Variants in ORC5 observed in about 807,000 individuals in gnomAD.
The protein encoded by ORC5 is origin recognition complex subunit 5.
ORC5 carries 39 observed loss-of-function variants against 58.8 expected under a neutral mutation model. That is an observed-to-expected ratio of 0.66 (90% CI 0.51 to 0.87). The LOEUF (loss-of-function observed/expected upper bound fraction) is 0.87, where lower values mean the gene tolerates loss of function less well. ORC5 is among the 40% of genes least tolerant of loss of function. The pLI, the probability that ORC5 is intolerant of heterozygous loss-of-function variation, is 0.00. For missense variants in ORC5, 493 were observed against 506.3 expected, an observed-to-expected ratio of 0.97 and a Z score of 0.25; for synonymous variants, 218 against 177.6, an observed-to-expected ratio of 1.23 and a Z score of -1.81.
At chr7:104,194,289 C>T (rs573776801) in intron 5 of ORC5, among the ~76,000 whole-genome samples, 1 of 151,770 alleles carries the variant, frequency 6.6e-6, no homozygotes, top group East Asian at 1.9e-4. Context: ...TGGAAACAGA[C>T]AAAAATGTGT....
intron 11 of ORC5, 122 bp downstream of exon 11, chr7:104,165,113 G>A (rs1215278662): frequency 1.4e-5 from 8 of 571,374 alleles, no homozygotes; most frequent in African/African-American, 5.7e-5. Context: ...ACAGTATAAC[G>A]GTACCATATC....
chr7:104,141,044 T>A (rs1798665756), intron 12 of ORC5, among the ~76,000 whole-genome samples: 1 of 152,148 alleles, frequency 6.6e-6, no homozygotes, highest in Admixed American at 6.5e-5. Context: ...TTAAATCTCC[T>A]AACTCCAACT....
At chr7:104,201,071 C>G in intron 2 of ORC5, 113 bp from the exon 3 acceptor site, 2 of 779,294 alleles carry the variant, frequency 2.6e-6, no homozygotes, top group Admixed American at 5.2e-5. Flanking sequence ...ACCAAACCCA[C>G]CCCATGCCCC....
chr7:104,142,092 A>T (rs1798682993), intron 12 of ORC5, among the ~76,000 whole-genome samples: 1 of 152,194 alleles, frequency 6.6e-6, no homozygotes, highest in Non-Finnish European at 1.5e-5. Context: ...CCACACATAT[A>T]AGGTCAACTA....
intron 3 of ORC5, among the ~76,000 whole-genome samples, chr7:104,199,325 C>G (rs760397311): frequency 3.2e-4 from 49 of 152,360 alleles, no homozygotes; most frequent in Non-Finnish European, 5.3e-4. Context: ...GGCAACTGTA[C>G]CCCGCAAAGC....
intron 8 of ORC5, among the ~76,000 whole-genome samples, chr7:104,170,790 T>C (rs943724958): frequency 6.6e-6 from 1 of 152,234 alleles, no homozygotes; most frequent in Non-Finnish European, 1.5e-5. Flanking sequence ...TCTTGGATTA[T>C]AATTTTAGAT....
chr7:104,198,512 T>C (rs1019125468), intron 3 of ORC5, among the ~76,000 whole-genome samples: 4 of 152,174 alleles, frequency 2.6e-5, no homozygotes, highest in Non-Finnish European at 5.9e-5. Flanking sequence ...ATTTAGGGTA[T>C]CTGGTGGAAG....
intron 12 of ORC5, among the ~76,000 whole-genome samples, chr7:104,145,774 G>A (rs962444477): frequency 1.4e-4 from 22 of 152,066 alleles, no homozygotes; most frequent in Non-Finnish European, 2.9e-4. Context: ...ACAATATAGA[G>A]GGTGCGAGTC....
At chr7:104,168,036 TCCAAA>T (rs1335619976) in intron 9 of ORC5, 1 of 158,384 alleles carries the variant, frequency 6.3e-6, no homozygotes, top group African/African-American at 2.4e-5. Context: ...TTGGGATGAA[TCCAAA>T]GTAGTAGTTT....
chr7:104,168,671 T>TTTTTTTTTTTTTTTTTTTTTTTTTTG, intron 8 of ORC5, 146 bp from the exon 9 acceptor site: 2 of 475,964 alleles, frequency 4.2e-6, no homozygotes, highest in Non-Finnish European at 7.4e-6. Context: ...AACATGTTTG[T>TTTTTTTTTTTTTTTTTTTTTTTTTTG]ACCTGTACAA....
chr7:104,204,239 CGA>C lies in ORC5; in HGVS notation c.73-7_73-6del, dbSNP rs750131723. 6.5e-7 allele frequency: 1 copy of C among 1,544,990 alleles called. No individual in the cohort carries two copies. Among genetic ancestry groups the C allele is most frequent in the South Asian group, 1.2e-5 (1 of 83,484 alleles). On this transcript the variant is annotated splice_polypyrimidine_tract_variant and splice_region_variant and intron_variant, in intron 1 of 13. Transcript: ENST00000297431. ...TGGAAAGCTGAAATGATGTCTCTAA[CGA>C]GAGAAAAGACAAATATGAGGCTGCA...
chr7:104,132,805 G>A (rs1446190510), intron 13 of ORC5, among the ~76,000 whole-genome samples: 2 of 152,092 alleles, frequency 1.3e-5, no homozygotes, highest in African/African-American at 2.4e-5. Context: ...AGAACAAAAT[G>A]GGAACTTCCA....
chr7:104,163,392 A>G (rs530248164), intron 11 of ORC5, among the ~76,000 whole-genome samples: 15 of 152,300 alleles, frequency 9.8e-5, no homozygotes, highest in South Asian at 4.1e-4. Context: ...TCATATCACT[A>G]TGAGATGAAA....
chr7:104,174,532 G>A (rs984097402), intron 8 of ORC5, among the ~76,000 whole-genome samples: 4 of 152,162 alleles, frequency 2.6e-5, no homozygotes, highest in African/African-American at 9.7e-5. Flanking sequence ...AAGGCAGCTA[G>A]TCAGGCATGA....
In ORC5 at chr7:104,133,099, T is replaced by C. The variant is rs1798538237; in HGVS notation, c.1262+3682A>G. Among the ~76,000 whole-genome samples, 1 of 152,132 alleles carries C rather than the reference T, an allele frequency of 6.6e-6. No homozygotes were observed. ...TAGGGGCCAGATCATTTGGGCCTTG[T>C]TAGTTATTTAAAAGATTCTGTTATT... On this transcript the variant is annotated intron_variant, in intron 13 of 13. Transcript: ENST00000297431. This position sits in a 1 kb window ranked among gnomAD's most constrained non-coding sequence, Gnocchi z 4.7.
intron 11 of ORC5, among the ~76,000 whole-genome samples, chr7:104,163,682 G>A (rs184027249): frequency 5.3e-5 from 8 of 152,168 alleles, no homozygotes; most frequent in African/African-American, 1.9e-4. Flanking sequence ...TAGTAGAGCC[G>A]GGGTTTCACC....
intron 12 of ORC5, among the ~76,000 whole-genome samples, chr7:104,149,259 C>T (rs980757090): frequency 2.0e-5 from 3 of 151,972 alleles, no homozygotes; most frequent in Non-Finnish European, 4.4e-5. Flanking sequence ...GAATCATTTC[C>T]AGGTAAAGTC....
chr7:104,160,797 AATTATG>A (rs540323221), intron 12 of ORC5, among the ~76,000 whole-genome samples: 246 of 152,284 alleles, frequency 1.6e-3, no homozygotes, highest in Non-Finnish European at 2.6e-3. Context: ...TTAGCAAGAT[AATTATG>A]ATTATTTAAT....
At chr7:104,140,170 C>T (rs186809004) in intron 12 of ORC5, among the ~76,000 whole-genome samples, 41 of 152,118 alleles carry the variant, frequency 2.7e-4, no homozygotes, top group Non-Finnish European at 3.5e-4. Context: ...CAATTTAAAA[C>T]AGTTCTCATG....
Sources: gnomAD v4.1 joint callset for allele counts (sites outside exome capture counted in the v4.1 genomes callset) on GRCh38, gnomAD v4.1.1 for gene constraint, Gnocchi (gnomAD v3.1) non-coding constraint, MANE v1.5 for transcripts, NCBI Gene and HGNC (gene_info 2026-07-23, HGNC 2026-07-21) for gene names.